PTPRT: variants seen among roughly 807,000 people sequenced by gnomAD.
PTPRT encodes the protein protein tyrosine phosphatase receptor type T.
In PTPRT, 56 loss-of-function variants were observed where a neutral mutation model predicts 176.8. The observed-to-expected ratio is 0.32, with a 90% CI of 0.26 to 0.40. The LOEUF (loss-of-function observed/expected upper bound fraction) is 0.40. PTPRT is among the 10% of genes least tolerant of loss of function. The pLI, the probability that PTPRT is intolerant of heterozygous loss-of-function variation, is 1.00. For missense variants in PTPRT, 1,540 were observed against 1,908.2 expected (o/e 0.81, Z 3.60); for synonymous variants, 783 against 739.0 (o/e 1.06, Z -0.96).
chr20:42,654,239 A>G (rs2075083581), intron 7 of PTPRT, among the ~76,000 whole-genome samples: 1 of 152,216 alleles, frequency 6.6e-6, no homozygotes, highest in African/African-American at 2.4e-5. Context: ...GAAGTTGGTA[A>G]TTAGCACCCA....
intron 15 of PTPRT, among the ~76,000 whole-genome samples, chr20:42,224,125 T>C (rs781583652): frequency 3.3e-5 from 5 of 152,128 alleles, no homozygotes; most frequent in Admixed American, 2.0e-4. Context: ...ACTCAGCCAA[T>C]GTTCTTTTAT....
intron 1 of PTPRT, among the ~76,000 whole-genome samples, chr20:43,001,300 T>C (rs1984537857): frequency 6.6e-6 from 1 of 152,188 alleles, no homozygotes; most frequent in African/African-American, 2.4e-5. Context: ...AGCAGTAATA[T>C]GAAGGCATCT....
intron 6 of PTPRT, among the ~76,000 whole-genome samples, chr20:42,748,112 C>T (rs2076717155): frequency 6.6e-6 from 1 of 152,120 alleles, no homozygotes; most frequent in Non-Finnish European, 1.5e-5. Context: ...TTTTTTATGG[C>T]TGTTTTTGCT....
At chr20:42,810,419 G>T (rs1430298091) in intron 2 of PTPRT, among the ~76,000 whole-genome samples, 1 of 152,148 alleles carries the variant, frequency 6.6e-6, no homozygotes, top group Non-Finnish European at 1.5e-5. Context: ...ACACACAAGG[G>T]AAGCCTGAAT....
chr20:42,307,059 T>C (rs2057554328), intron 12 of PTPRT, among the ~76,000 whole-genome samples: 1 of 152,186 alleles, frequency 6.6e-6, no homozygotes, highest in South Asian at 2.1e-4. Context: ...CTGGGTATTA[T>C]AAGAATATGA....
chr20:42,227,684 T>G (rs1452688306), intron 15 of PTPRT, among the ~76,000 whole-genome samples: 4 of 146,294 alleles, frequency 2.7e-5, no homozygotes, highest in Admixed American at 7.1e-5. Flanking sequence ...CTCAGTTCAT[T>G]GCAATCTCCG....
At chr20:42,987,706 T>G (rs140435510) in intron 1 of PTPRT, among the ~76,000 whole-genome samples, 1 of 150,878 alleles carries the variant, frequency 6.6e-6, no homozygotes, top group African/African-American at 2.4e-5. Context: ...CAAACTTTGC[T>G]TCCTCCAAGC....
chr20:42,671,991 C>A (rs1033886905), intron 7 of PTPRT, among the ~76,000 whole-genome samples: 3 of 152,194 alleles, frequency 2.0e-5, no homozygotes, highest in Non-Finnish European at 2.9e-5. Flanking sequence ...ACCTGCTATA[C>A]ATCTTCACCT....
intron 7 of PTPRT, among the ~76,000 whole-genome samples, chr20:42,611,548 C>T (rs1314439977): frequency 1.3e-5 from 2 of 149,508 alleles, no homozygotes; most frequent in African/African-American, 5.1e-5. Context: ...ACCTCTCCCA[C>T]TTCCCTGTAT....
At chr20:43,188,760 G>GA (rs2015462011) in intron 1 of PTPRT, among the ~76,000 whole-genome samples, 1 of 148,576 alleles carries the variant, frequency 6.7e-6, no homozygotes, top group Non-Finnish European at 1.5e-5. Context: ...GGGGGGGGGG[G>GA]GGCTCGGGGG....
chr20:42,506,774 T>C (rs2071852510), intron 7 of PTPRT, among the ~76,000 whole-genome samples: 1 of 152,178 alleles, frequency 6.6e-6, no homozygotes, highest in South Asian at 2.1e-4. Flanking sequence ...ACAGAATCAA[T>C]CCGTACGTTT....
At chr20:42,137,893 A>G (rs749152210) in intron 18 of PTPRT, among the ~76,000 whole-genome samples, 29 of 152,228 alleles carry the variant, frequency 1.9e-4, no homozygotes, top group Non-Finnish European at 3.4e-4. Context: ...ACCTGAGCCC[A>G]GTGGCTTTTC....
intron 9 of PTPRT, among the ~76,000 whole-genome samples, chr20:42,372,711 C>A (rs769858961): frequency 6.6e-6 from 1 of 152,094 alleles, no homozygotes; most frequent in Non-Finnish European, 1.5e-5. Flanking sequence ...AAAGGTGGGA[C>A]CTTTGGGAGG....
chr20:42,327,526 A>AGGTTTTTGT lies in PTPRT; in HGVS notation c.1866-11531_1866-11530insACAAAAACC, dbSNP rs1363855454. 1.0e-3 allele frequency among the ~76,000 whole-genome samples: 159 copies of AGGTTTTTGT among 152,208 alleles called. 3 individuals carry two copies. In the East Asian group the frequency reaches 0.015, roughly 15 times the overall value. The stretch of plus-strand genomic sequence containing the variant: ...GACTGACCTTTCCATAGGAGATACA[A>AGGTTTTTGT]ACTAAAGGTTTTGAAGCGTCATGGT... On this transcript the variant is annotated intron_variant, in intron 11 of 30. Transcript: ENST00000373187.
chr20:42,534,797 T>G (rs931157291), intron 7 of PTPRT, among the ~76,000 whole-genome samples: 6 of 152,126 alleles, frequency 3.9e-5, no homozygotes, highest in Admixed American at 2.0e-4. Context: ...TGGCTGCCAC[T>G]TGATCACTCT....
At chr20:42,922,020 C>T (rs1180543920) in intron 1 of PTPRT, among the ~76,000 whole-genome samples, 1 of 152,210 alleles carries the variant, frequency 6.6e-6, no homozygotes, top group Non-Finnish European at 1.5e-5. Context: ...ACTGCAACCT[C>T]TGCCTCCCGG....
At chr20:42,042,425 G>T in the PTPRT span, among the ~76,000 whole-genome samples, 1 of 152,286 alleles carries the variant, frequency 6.6e-6, no homozygotes, top group African/African-American at 2.4e-5. Context: ...CTAAGCCATG[G>T]TGCTCTTTCC....
chr20:42,679,853 C>T (rs759659615), intron 6 of PTPRT, among the ~76,000 whole-genome samples: 15 of 152,132 alleles, frequency 9.9e-5, no homozygotes, highest in Non-Finnish European at 2.1e-4. Context: ...GTAAATAATG[C>T]TGCAATGAAC....
chr20:42,980,938 G>A (rs1381531185), intron 1 of PTPRT, among the ~76,000 whole-genome samples: 1 of 152,172 alleles, frequency 6.6e-6, no homozygotes, highest in Non-Finnish European at 1.5e-5. Context: ...CTATCTCCCA[G>A]TCTGCGGAAG....
Sources: gnomAD v4.1 joint callset for allele counts (sites outside exome capture counted in the v4.1 genomes callset) on GRCh38, gnomAD v4.1.1 for gene constraint, MANE v1.5 for transcripts, NCBI Gene and HGNC (gene_info 2026-07-23, HGNC 2026-07-21) for gene names.